Variants in BICRAL observed in about 807,000 individuals in gnomAD.
The protein encoded by BICRAL is BICRA like chromatin remodeling complex associated protein, also known as BRD4-interacting chromatin-remodeling complex-associated protein-like.
Under a neutral mutation model 91.8 loss-of-function variants are expected in BICRAL, and 8 were observed. That is an observed-to-expected ratio of 0.09 (90% CI 0.05 to 0.16). The LOEUF is 0.16. Among genes scored for constraint, BICRAL ranks in the 10% least tolerant of loss-of-function variants. The pLI is 1.00. For missense variants in BICRAL, 1,038 were observed against 1,310.9 expected (o/e 0.79, Z 3.21); for synonymous variants, 445 against 491.1 (o/e 0.91, Z 1.24).
At position 42,828,270 on chromosome 6, in the gene BICRAL, A is replaced by G. The variant is rs28579544; in HGVS notation, c.160-223A>G. On this transcript the variant is annotated intron_variant, in intron 5 of 12. Coordinates refer to ENST00000314073, the MANE Select transcript of BICRAL (RefSeq NM_001393499.1). ...CAAAAAATTAGCTGGGCGCGGTGGC[A>G]GGCGCCTGTAGTCCCAGCTACTGGG... Among the ~76,000 whole-genome samples, 1,053 of 151,956 alleles carry G rather than the reference A, an allele frequency of 6.9e-3. 5 individuals carry two copies. Among genetic ancestry groups the G allele is most frequent in the African/African-American group, 0.022 (926 of 41,468 alleles).
intron 2 of BICRAL, among the ~76,000 whole-genome samples, chr6:42,817,391 G>C (rs1764023487): frequency 6.6e-6 from 1 of 151,852 alleles, no homozygotes; most frequent in African/African-American, 2.4e-5. Context: ...GGGTTTTTAA[G>C]AGAGTTTTTT....
At chr6:42,851,891 C>G (rs191813032) in intron 6 of BICRAL, among the ~76,000 whole-genome samples, 1 of 152,298 alleles carries the variant, frequency 6.6e-6, no homozygotes, top group Admixed American at 6.5e-5. Context: ...CAGGAAAATT[C>G]AGTGTGCCTG....
At chr6:42,858,515 T>TAAA (rs34689139) in intron 10 of BICRAL, among the ~76,000 whole-genome samples, 2 of 113,318 alleles carry the variant, frequency 1.8e-5, no homozygotes, top group African/African-American at 6.8e-5. Context: ...GACTCTGTTT[T>TAAA]AAAAAAAAAA....
intron 8 of BICRAL, among the ~76,000 whole-genome samples, chr6:42,854,659 A>G (rs1316540953): frequency 6.6e-6 from 1 of 152,004 alleles, no homozygotes; most frequent in Non-Finnish European, 1.5e-5. Flanking sequence ...CTGGGACTAC[A>G]GGCACGCACC....
rs553496430 is a variant in BICRAL, at chr6:42,829,100, A to G, written c.767A>G (p.His256Arg). 4 of 1,614,206 alleles carry G rather than the reference A, an allele frequency of 2.5e-6. No individual in the cohort carries two copies. Among genetic ancestry groups the G allele is most frequent in the East Asian group, 2.2e-5 (1 of 44,882 alleles). Residue 256 changes from histidine to arginine, a missense_variant, in exon 6 of 13, where the codon CAT (histidine) becomes CGT (arginine). This residue lies in a region of BICRAL where 532 missense variants were observed against 724.9 expected (regional missense o/e 0.73). Coordinates refer to ENST00000314073, the MANE Select transcript of BICRAL (RefSeq NM_001393499.1). ...PSNVSGGLLVHRQTPNGNSLF... is the reference protein window; with the variant it reads ...PSNVSGGLLVRRQTPNGNSLF... ...AATGTGAGTGGAGGGCTCCTGGTTC[A>G]TAGACAGACTCCTAATGGCAACTCC...
intron 1 of BICRAL, among the ~76,000 whole-genome samples, chr6:42,748,128 A>G (rs1020471183): frequency 7.0e-5 from 9 of 129,010 alleles, no homozygotes; most frequent in Non-Finnish European, 1.2e-4. Context: ...TTTTTTTTCC[A>G]GAAAAGCAGG....
At chr6:42,845,937 G>T (rs1328668247) in intron 6 of BICRAL, among the ~76,000 whole-genome samples, 1 of 151,414 alleles carries the variant, frequency 6.6e-6, no homozygotes, top group Admixed American at 6.6e-5. Context: ...TTGGCGTGGT[G>T]GCGGGTGCCT....
rs943714138 is a variant in BICRAL at position 42,748,249 on chromosome 6, A to G, written c.-261+1226A>G. Among the ~76,000 whole-genome samples, 4 of 152,068 alleles carry G rather than the reference A, an allele frequency of 2.6e-5. No homozygotes were observed. The East Asian group carries it at 7.7e-4, about 29-fold the overall frequency. On this transcript the variant is annotated intron_variant, in intron 1 of 14. Coordinates refer to the BICRAL transcript ENST00000614467. ...GCTTTATTTTATGAAATGTTGATTT[A>G]AGCAAAGAAGCTTTAGAGAAGATTT... is the stretch of plus-strand genomic sequence containing the variant.
chr6:42,866,214 A>C lies in BICRAL; in HGVS notation c.*768A>C, dbSNP rs539587801. ...TTCTTAGTTACAGCAGCAAAATTTG[A>C]AATAATTTCACCAGGCTAAATAAAG... On this transcript the variant is annotated 3_prime_UTR_variant, in exon 13 of 13. Transcript: ENST00000314073. The C allele has an allele frequency of 6.6e-6, 1 of 152,484 alleles. No individual in the cohort carries two copies. The highest frequency in any genetic ancestry group is 2.1e-4 in the South Asian group (1 of 4,846). 9.4% of individuals were successfully genotyped at this position (152,484 alleles called of 1,614,324 possible).
At chr6:42,753,433 A>G (rs528953415) in intron 1 of BICRAL, among the ~76,000 whole-genome samples, 2 of 152,278 alleles carry the variant, frequency 1.3e-5, no homozygotes, top group Admixed American at 1.3e-4. Flanking sequence ...TGGGATGGTC[A>G]TGGAAAGCTT....
chr6:42,751,452 A>T (rs958297935), intron 1 of BICRAL, among the ~76,000 whole-genome samples: 1 of 152,176 alleles, frequency 6.6e-6, no homozygotes, highest in Non-Finnish European at 1.5e-5. Context: ...TTTTAATGTT[A>T]CAAAGGGAAT....
At chr6:42,788,890 GA>G (rs1188784663) in intron 1 of BICRAL, among the ~76,000 whole-genome samples, 1 of 151,928 alleles carries the variant, frequency 6.6e-6, no homozygotes, top group African/African-American at 2.4e-5. Context: ...TTAGTTGTGT[GA>G]TTTTTTTTTT....
intron 1 of BICRAL, among the ~76,000 whole-genome samples, chr6:42,785,115 C>T (rs551183926): frequency 6.6e-6 from 1 of 152,148 alleles, no homozygotes; most frequent in Admixed American, 6.5e-5. Flanking sequence ...ATTATTTCCT[C>T]AGAGAAAAAG....
At chr6:42,845,265 G>T (rs1764971467) in intron 6 of BICRAL, among the ~76,000 whole-genome samples, 2 of 108,120 alleles carry the variant, frequency 1.8e-5, no homozygotes, top group East Asian at 3.2e-4. Flanking sequence ...AGTTTCAGTC[G>T]TCACCCAGGC....
intron 1 of BICRAL, among the ~76,000 whole-genome samples, chr6:42,775,062 A>C (rs111412958): frequency 0.011 from 1,744 of 152,012 alleles, 5 homozygotes; most frequent in Middle Eastern, 0.027. Flanking sequence ...CCTCTCAAGT[A>C]GTTGGGATTA....
At chr6:42,819,630 T>C (rs1486339602) in intron 2 of BICRAL, among the ~76,000 whole-genome samples, 3 of 152,234 alleles carry the variant, frequency 2.0e-5, no homozygotes, top group African/African-American at 7.2e-5. Flanking sequence ...AATTTTGCTC[T>C]GGTAAATTTA....
upstream of BICRAL, among the ~76,000 whole-genome samples, chr6:42,777,498 G>A (rs1244189379): frequency 1.3e-5 from 2 of 152,086 alleles, no homozygotes; most frequent in Admixed American, 6.6e-5. Flanking sequence ...TATGCACACC[G>A]ATAATTTAAA....
At chr6:42,768,585 G>A (rs1762668456) in intron 1 of BICRAL, among the ~76,000 whole-genome samples, 1 of 152,196 alleles carries the variant, frequency 6.6e-6, no homozygotes, top group Non-Finnish European at 1.5e-5. Context: ...GTAAGGAAAG[G>A]AAATATTCCA....
chr6:42,842,057 C>T (rs1764814305), intron 6 of BICRAL, among the ~76,000 whole-genome samples: 2 of 152,190 alleles, frequency 1.3e-5, no homozygotes, highest in African/African-American at 4.8e-5. Context: ...GTATCTTAAA[C>T]TCTCTGAGCC....
Sources: allele counts gnomAD v4.1 joint callset (sites outside exome capture counted in the v4.1 genomes callset), GRCh38; gene constraint gnomAD v4.1.1; regional missense constraint gnomAD v4.1.1; transcripts MANE v1.5; gene names NCBI Gene and HGNC (gene_info 2026-07-23, HGNC 2026-07-21).